TSBP1: variants seen among roughly 807,000 people sequenced by gnomAD.
TSBP1 encodes the protein testis expressed basic protein 1.
Under a neutral mutation model 68.8 loss-of-function variants are expected in TSBP1, and 56 were observed. The ratio of observed to expected loss-of-function variants is 0.81; its 90% CI spans 0.66 to 1.02. TSBP1 has a LOEUF of 1.02. Ranked by LOEUF, TSBP1 falls within the 50% of genes least tolerant of loss-of-function variation. The pLI, the probability that TSBP1 is intolerant of heterozygous loss-of-function variation, is 0.00. For synonymous variants in TSBP1, 171 were observed against 208.7 expected (o/e 0.82, Z 1.56); for missense variants, 502 against 641.2 (o/e 0.78, Z 2.34).
At chr6:32,294,331 CAG>C (rs1764482722) in intron 22 of TSBP1, among the ~76,000 whole-genome samples, 1 of 151,844 alleles carries the variant, frequency 6.6e-6, no homozygotes, top group Admixed American at 6.5e-5. Context: ...TAGTGGCTAA[CAG>C]AGGATGTATT....
Position 32,365,199 on chromosome 6 carries a change from G to C in TSBP1, c.217+968C>G. On this transcript the variant is annotated intron_variant, in intron 6 of 22. Coordinates refer to ENST00000612031, the Ensembl canonical transcript of TSBP1. This position sits in a 1 kb window ranked among gnomAD's most constrained non-coding sequence, Gnocchi z 4.3. ...GAACTACCACACCCAGGGTAGATGG[G>C]ATTTCTAAGATTGTGCTTTCTCTCA... The C allele has an allele frequency of 2.5e-6, 1 of 400,248 alleles. No homozygotes were observed. Among genetic ancestry groups the C allele is most frequent in the South Asian group, 1.9e-5 (1 of 52,886 alleles). 24.8% of individuals were successfully genotyped at this position (400,248 alleles called of 1,614,324 possible).
intron 19 of TSBP1, among the ~76,000 whole-genome samples, chr6:32,310,763 T>A (rs943112225): frequency 1.5e-3 from 184 of 121,330 alleles, no homozygotes; most frequent in Non-Finnish European, 2.1e-3. Context: ...ATATATATAT[T>A]TTTAATCTTT....
chr6:32,365,558 A>T lies in TSBP1; in HGVS notation c.217+609T>A. 1 of 456,380 alleles carries T rather than the reference A, an allele frequency of 2.2e-6. No individual in the cohort carries two copies. The highest frequency in any genetic ancestry group is 2.3e-5 in the Admixed American group (1 of 42,556). The allele number at this position is 456,380 out of a possible 1,614,324, so 28.3% of individuals were successfully genotyped here. A position where few individuals can be genotyped will look rare whatever the true frequency, so the allele number is the denominator to read the frequency against. ...TCCTAACCATTCAACTATGCTGATC[A>T]TCTCAATGTTCTGGGTGGAGTGAGA... On this transcript the variant is annotated intron_variant, in intron 6 of 22. Transcript: ENST00000612031. The surrounding 1 kb of genome is among the most constrained non-coding windows in gnomAD (Gnocchi z 4.3).
chr6:32,353,696 A>G lies in TSBP1; in HGVS notation c.259+1428T>C, dbSNP rs368529276. 3.7e-4 allele frequency among the ~76,000 whole-genome samples: 57 copies of G among 152,144 alleles called. No homozygotes were observed. The South Asian group carries it at 0.01, about 28-fold the overall frequency. ...GAAAGCAATGGAGTATTGGTTCAGT[A>G]AAAGACAAAAGATCACTGGAACAGA... On this transcript the variant is annotated intron_variant, in intron 8 of 22. Coordinates refer to ENST00000612031, the Ensembl canonical transcript of TSBP1.
chr6:32,370,392 G>A (rs1774251367), intron 1 of TSBP1, among the ~76,000 whole-genome samples: 1 of 121,678 alleles, frequency 8.2e-6, no homozygotes, highest in South Asian at 2.9e-4. Context: ...TACCTTTAAA[G>A]TTGCAAGATT....
chr6:32,327,263 T>C (rs1768328329), intron 16 of TSBP1, among the ~76,000 whole-genome samples: 1 of 152,206 alleles, frequency 6.6e-6, no homozygotes, highest in African/African-American at 2.4e-5. Context: ...GCAGCTATCA[T>C]ACAATAGACA....
chr6:32,337,170 G>C lies in TSBP1; in HGVS notation c.410-535C>G, dbSNP rs1769774069. On this transcript the variant is annotated intron_variant, in intron 11 of 22. Coordinates refer to ENST00000612031, the Ensembl canonical transcript of TSBP1. This position sits in a 1 kb window ranked among gnomAD's most constrained non-coding sequence, Gnocchi z 5.5. ...AAAATAGAACTAATGAGAAAATACT[G>C]TTTGCATTTAAATTCTTCCTGGGAA... Among the ~76,000 whole-genome samples the C allele has an allele frequency of 6.6e-6, 1 of 152,198 alleles. No homozygotes were observed. Among genetic ancestry groups the C allele is most frequent in the South Asian group, 2.1e-4 (1 of 4,832 alleles).
chr6:32,324,848 G>A (rs1052703117), intron 16 of TSBP1, among the ~76,000 whole-genome samples: 1 of 151,010 alleles, frequency 6.6e-6, no homozygotes, highest in Non-Finnish European at 1.5e-5. Context: ...GTTGAATTCT[G>A]GATAATGGAA....
chr6:32,369,132 G>T (rs1774094471), intron 2 of TSBP1, among the ~76,000 whole-genome samples: 1 of 152,024 alleles, frequency 6.6e-6, no homozygotes, highest in Non-Finnish European at 1.5e-5. Flanking sequence ...ATAGGTCTTA[G>T]CTTTTATGAG....
rs199997158 is a variant in TSBP1, at chr6:32,295,348, A to C, written c.638-1313T>G. Among the ~76,000 whole-genome samples, 877 of 97,118 alleles carry C rather than the reference A, an allele frequency of 9.0e-3. 9 individuals are homozygous for C. The highest frequency in any genetic ancestry group is 0.056 in the Middle Eastern group (13 of 232). The allele number at this position is 97,118 out of a possible 152,430, so 63.7% of individuals were successfully genotyped here. The stretch of plus-strand genomic sequence containing the variant: ...GATACTCCATCTCACACACACACAC[A>C]CAAAAAAAAAAAAAAAAAAAAAGAA... On this transcript the variant is annotated intron_variant, in intron 22 of 22. Transcript: ENST00000612031.
At chr6:32,364,907 C>CT (rs9281751) in intron 6 of TSBP1, among the ~76,000 whole-genome samples, 72,293 of 151,508 alleles carry the variant, frequency 0.48, 18,579 homozygotes, top group Middle Eastern at 0.59. Context: ...GATTTTTTCC[C>CT]TTTTTTGAGA....
Position 32,338,948 on chromosome 6 carries a change from A to G in TSBP1, c.409+31T>C. The G allele has an allele frequency of 1.3e-6, 2 of 1,576,644 alleles. No individual in the cohort carries two copies. The highest frequency in any genetic ancestry group is 1.7e-6 in the Non-Finnish European group (2 of 1,146,866). On this transcript the variant is annotated intron_variant, in intron 11 of 22. Coordinates refer to ENST00000612031, the Ensembl canonical transcript of TSBP1. The surrounding 1 kb of genome is among the most constrained non-coding windows in gnomAD (Gnocchi z 5.5). ...CTAACAGTTTAGTAAAGCAAAGCAC[A>G]TGAGAATTAAAGGGCAGAAAAAGAA...
chr6:32,325,526 T>G lies in TSBP1; in HGVS notation c.515-1912A>C. On this transcript the variant is annotated intron_variant, in intron 16 of 22. Transcript: ENST00000612031. This position sits in a 1 kb window ranked among gnomAD's most constrained non-coding sequence, Gnocchi z 4.4. ...CTCAAATACCAGGTGCCCACTTAAC[T>G]GTGAAAAAGATATATGCTGGTGGCA... is the stretch of plus-strand genomic sequence containing the variant. 1 of 866,346 alleles carries G rather than the reference T, an allele frequency of 1.2e-6. No individual in the cohort carries two copies. Among genetic ancestry groups the G allele is most frequent in the East Asian group, 2.4e-5 (1 of 41,514 alleles). 53.7% of individuals were successfully genotyped at this position (866,346 alleles called of 1,614,324 possible).
intron 2 of TSBP1, among the ~76,000 whole-genome samples, chr6:32,369,063 T>C (rs866186638): frequency 5.9e-5 from 9 of 152,142 alleles, no homozygotes; most frequent in Non-Finnish European, 1.0e-4. Flanking sequence ...TACAGCTGAT[T>C]AGAAAGTTGT....
Position 32,367,961 on chromosome 6 carries a change from G to C in TSBP1, c.134-4C>G. ...TCATAGTCCAGAAGTCTAGCACCTA[G>C]AAAAAAAGGGAGAGCACATGATTTT... On this transcript the variant is annotated splice_polypyrimidine_tract_variant and splice_region_variant and intron_variant, in intron 3 of 22. Transcript: ENST00000612031. 3 of 1,601,498 alleles carry C rather than the reference G, an allele frequency of 1.9e-6. No individual in the cohort carries two copies. In the South Asian group the frequency reaches 3.3e-5, roughly 18 times the overall value.
chr6:32,353,002 G>A (rs2127634936), intron 8 of TSBP1: 1 of 151,924 alleles, frequency 6.6e-6, no homozygotes, highest in East Asian at 1.9e-4. Context: ...AAAAGAAGAT[G>A]AGAAAGTCTG....
intron 6 of TSBP1, among the ~76,000 whole-genome samples, chr6:32,363,244 C>T (rs1282775187): frequency 6.6e-6 from 1 of 152,032 alleles, no homozygotes; most frequent in South Asian, 2.1e-4. Context: ...CCTTTACTTT[C>T]ATTCTATATG....
chr6:32,346,919 T>A (rs1186224765), intron 9 of TSBP1, among the ~76,000 whole-genome samples: 1 of 152,156 alleles, frequency 6.6e-6, no homozygotes, highest in Non-Finnish European at 1.5e-5. Flanking sequence ...TTTCAGGAGA[T>A]CTATTGTATA....
At chr6:32,355,214 T>C in intron 7 of TSBP1, 70 bp from the exon 8 acceptor site, 1 of 1,492,762 alleles carries the variant, frequency 6.7e-7, no homozygotes, top group Non-Finnish European at 9.3e-7. Context: ...ACATATCAGC[T>C]TCAGTTGCTG....
Sources: allele counts gnomAD v4.1 joint callset (sites outside exome capture counted in the v4.1 genomes callset), GRCh38; gene constraint gnomAD v4.1.1; non-coding constraint Gnocchi (gnomAD v3.1); transcripts MANE v1.5; gene names NCBI Gene and HGNC (gene_info 2026-07-23, HGNC 2026-07-21).